GGA2: variants seen among roughly 807,000 people sequenced by gnomAD.
The protein encoded by GGA2 is golgi associated, gamma adaptin ear containing, ARF binding protein 2, also known as ADP-ribosylation factor-binding protein GGA2.
Under a neutral mutation model 79.5 loss-of-function variants are expected in GGA2, and 48 were observed. That is an observed-to-expected ratio of 0.60 (90% CI 0.48 to 0.77). GGA2 has a LOEUF of 0.77. Ranked by LOEUF, GGA2 falls within the 30% of genes least tolerant of loss-of-function variation. GGA2 has a pLI of 0.00. For missense variants in GGA2, 770 were observed against 774.0 expected (o/e 0.99, Z 0.06); for synonymous variants, 317 against 302.0 (o/e 1.05, Z -0.51).
chr16:23,482,752 G>A (rs17742339), intron 9 of GGA2, among the ~76,000 whole-genome samples, 171 bp downstream of exon 9: 2,065 of 152,166 alleles, frequency 0.014, 19 homozygotes, highest in Middle Eastern at 0.027. Flanking sequence ...CTGAAGCCTG[G>A]ATCCTGCTGG....
intron 9 of GGA2, among the ~76,000 whole-genome samples, chr16:23,482,377 C>G (rs975228337): frequency 2.0e-5 from 3 of 152,202 alleles, no homozygotes; most frequent in Non-Finnish European, 4.4e-5. Flanking sequence ...CAGCTATGAG[C>G]TGGTAATTAT....
exon 1 of GGA2, chr16:23,521,934 T>C: frequency 2.4e-6 from 1 of 409,418 alleles, no homozygotes; most frequent in South Asian, 1.7e-5. Flanking sequence ...TGCCTCGTAC[T>C]ATAACCTCGG....
chr16:23,512,859 C>G (rs1965081354), upstream of GGA2, among the ~76,000 whole-genome samples: 1 of 151,918 alleles, frequency 6.6e-6, no homozygotes, highest in South Asian at 2.1e-4. Context: ...CGCCCACCAC[C>G]ACACCCGGCT....
upstream of GGA2, chr16:23,522,692 T>C (rs1282311562): frequency 6.6e-6 from 1 of 152,258 alleles, no homozygotes; most frequent in East Asian, 1.9e-4. Flanking sequence ...TATTGTCTAC[T>C]GCTGAAACGC....
intron 13 of GGA2, 49 bp downstream of exon 13, chr16:23,478,319 C>T (rs763495887): frequency 2.0e-6 from 3 of 1,495,998 alleles, no homozygotes; most frequent in African/African-American, 1.4e-5. Flanking sequence ...TGAGAAGGAA[C>T]CGCACTCAGG....
intron 8 of GGA2, among the ~76,000 whole-genome samples, chr16:23,485,261 T>A (rs1964697517): frequency 1.3e-5 from 2 of 152,172 alleles, no homozygotes; most frequent in Admixed American, 1.3e-4. Flanking sequence ...GAATGACTGT[T>A]AATGGGTACA....
At chr16:23,493,269 G>A (rs146067806) in intron 4 of GGA2, 91 bp downstream of exon 4, 16 of 793,008 alleles carry the variant, frequency 2.0e-5, no homozygotes, top group East Asian at 7.4e-5. Flanking sequence ...TTGTCCATGC[G>A]TGGGCCTGCC....
rs770071501 is a variant in GGA2, at chr16:23,486,731, T to G, written c.639A>C (p.Leu213Phe). Reference protein sequence around the residue: ...HPEDLQAANRLIKNLVKEEQE... With the variant: ...HPEDLQAANRFIKNLVKEEQE... ...CCACCTCCTTGACCAAATTCTTGAT[T>G]AACCGGTTTGCAGCCTGAAGGTCCT... Residue 213 changes from leucine (L) to phenylalanine (F), a missense_variant, in exon 7 of 17, where the codon TTA becomes TTC. Coordinates refer to ENST00000309859, the MANE Select transcript of GGA2 (RefSeq NM_015044.4). The G allele has an allele frequency of 1.2e-6, 2 of 1,609,288 alleles. No individual in the cohort carries two copies. The highest frequency in any genetic ancestry group is 2.2e-5 in the East Asian group (1 of 44,858).
At chr16:23,521,662 A>G in intron 1 of GGA2, 1 of 445,872 alleles carries the variant, frequency 2.2e-6, no homozygotes, top group South Asian at 1.6e-5. Context: ...TGCCTCACAA[A>G]GCATTAGGAC....
intron 1 of GGA2, among the ~76,000 whole-genome samples, chr16:23,500,735 C>T (rs780173906): frequency 3.3e-5 from 5 of 152,234 alleles, no homozygotes; most frequent in South Asian, 2.1e-4. Context: ...GTGGCAGTAG[C>T]GCCACACCCC....
chr16:23,521,442 C>T (rs2142154683), intron 1 of GGA2, among the ~76,000 whole-genome samples: 1 of 151,716 alleles, frequency 6.6e-6, no homozygotes. Context: ...CTCTGTTGCC[C>T]AGGTTAGAGT....
intron 8 of GGA2, among the ~76,000 whole-genome samples, 200 bp from the exon 9 acceptor site, chr16:23,483,204 T>C (rs1457117093): frequency 6.6e-6 from 1 of 152,116 alleles, no homozygotes; most frequent in Non-Finnish European, 1.5e-5. Context: ...AAGTGTATGA[T>C]TTCTGAAAAT....
Position 23,475,071 on chromosome 16 carries a change from A to G in GGA2, c.1293-10T>C, listed in dbSNP as rs1964560325. ...CTGCGAAACATAATTCCTACAAAGA[A>G]ATAAAAAATATCAAAGACTAGCAAA... On this transcript the variant is annotated splice_polypyrimidine_tract_variant and intron_variant, in intron 13 of 16. Transcript: ENST00000309859. The G allele has an allele frequency of 3.9e-6, 6 of 1,549,918 alleles. No homozygotes were observed. In the South Asian group the frequency reaches 6.0e-5, roughly 15 times the overall value.
intron 1 of GGA2, chr16:23,521,680 T>G (rs1397604751): frequency 2.2e-6 from 1 of 454,494 alleles, no homozygotes. Flanking sequence ...GACGTATTTG[T>G]CCTTTTGTGA....
Position 23,483,016 on chromosome 16 carries a change from G to A in GGA2, c.799-12C>T. 6.3e-7 allele frequency: 1 copy of A among 1,597,846 alleles called. No homozygotes were observed. The highest frequency in any genetic ancestry group is 1.3e-5 in the African/African-American group (1 of 74,676). Reference sequence around the variant, plus strand: ...CTCTCATACACGACCTGAAAGAGCAGAGCTTGGTTCATGACACACGCCCAG... The same window carrying A: ...CTCTCATACACGACCTGAAAGAGCAAAGCTTGGTTCATGACACACGCCCAG... On this transcript the variant is annotated splice_polypyrimidine_tract_variant and intron_variant, in intron 8 of 16. Coordinates refer to ENST00000309859, the MANE Select transcript of GGA2 (RefSeq NM_015044.4).
chr16:23,483,781 G>A (rs957626305), intron 8 of GGA2, among the ~76,000 whole-genome samples: 6 of 151,810 alleles, frequency 4.0e-5, no homozygotes, highest in East Asian at 2.0e-4. Flanking sequence ...CTGAGTAGCC[G>A]GGATTACAGG....
chr16:23,484,010 C>G (rs1308913316), intron 8 of GGA2, among the ~76,000 whole-genome samples: 4 of 149,946 alleles, frequency 2.7e-5, no homozygotes, highest in Non-Finnish European at 4.4e-5. Context: ...AAAAAAAGGC[C>G]AGGCATGGTG....
At chr16:23,516,100 T>G (rs1965101182) in intron 2 of GGA2, among the ~76,000 whole-genome samples, 1 of 151,808 alleles carries the variant, frequency 6.6e-6, no homozygotes. Context: ...CTCAACTGCC[T>G]GGGCTCAAGT....
intron 2 of GGA2, 23 bp downstream of exon 2, chr16:23,495,671 A>G (rs1964845917): frequency 7.2e-7 from 1 of 1,385,352 alleles, no homozygotes; most frequent in Non-Finnish European, 1.0e-6. Flanking sequence ...AGAGTCAACT[A>G]TGTGTGTGAG....
Sources: allele counts gnomAD v4.1 joint callset (sites outside exome capture counted in the v4.1 genomes callset), GRCh38; gene constraint gnomAD v4.1.1; transcripts MANE v1.5; gene names NCBI Gene and HGNC (gene_info 2026-07-23, HGNC 2026-07-21).